Variants in KIF7 observed in about 807,000 individuals in gnomAD.
KIF7 encodes the protein kinesin-like protein KIF7.
KIF7 carries 104 observed loss-of-function variants against 135.7 expected under a neutral mutation model. The ratio of observed to expected loss-of-function variants is 0.77; its 90% CI spans 0.65 to 0.90. KIF7 has a LOEUF of 0.90. KIF7 is among the 40% of genes least tolerant of loss of function. KIF7 has a pLI of 0.00. For synonymous variants in KIF7, 883 were observed against 809.4 expected (o/e 1.09, Z -1.54); for missense variants, 2,005 against 1,839.1 (o/e 1.09, Z -1.65).
Position 89,628,692 on chromosome 15 carries a change from G to C in KIF7, c.3759C>G (p.Pro1253=), listed in dbSNP as rs147767277. The part of the protein sequence containing the change: ...HLAPELLWLS[P]LTEGAPRTRE... ...GGGTGCGGGGGGCCCCCTCAGTGAGGGGGGACAGCCAGAGAAGCTCGGGTG... is the reference window on the plus strand; with the variant it reads ...GGGTGCGGGGGGCCCCCTCAGTGAGCGGGGACAGCCAGAGAAGCTCGGGTG... The change falls in exon 19 of 19, where the codon CCC becomes CCG. Residue 1253 remains proline (P), a synonymous_variant. Coordinates refer to ENST00000394412, the MANE Select transcript of KIF7 (RefSeq NM_198525.3). The C allele has an allele frequency of 6.9e-5, 111 of 1,612,938 alleles. No individual in the cohort carries two copies. The highest frequency in any genetic ancestry group is 9.0e-5 in the Non-Finnish European group (106 of 1,179,912).
chr15:89,630,414 G>A lies in KIF7; in HGVS notation c.3191C>T (p.Thr1064Ile), dbSNP rs1347558209. 1.9e-6 allele frequency: 3 copies of A among 1,608,810 alleles called. No homozygotes were observed. The highest frequency in any genetic ancestry group is 1.1e-5 in the South Asian group (1 of 89,958). The part of the protein sequence containing the change: ...AAIEYKNEAI[T>I]CRQRVLRASA... ...GGCCCGAAGCACCCGCTGGCGGCAT[G>A]TGATGGCCTCATTCTTATACTCAAT... The change falls in exon 16 of 19, where the codon ACA (threonine) becomes ATA (isoleucine). Residue 1064 changes from threonine to isoleucine, a missense_variant. Coordinates refer to ENST00000394412, the MANE Select transcript of KIF7 (RefSeq NM_198525.3).
Position 89,648,687 on chromosome 15 carries a change from G to A in KIF7, c.1011C>T (p.Leu337=). 1 of 1,536,102 alleles carries A rather than the reference G, an allele frequency of 6.5e-7. No homozygotes were observed. Among genetic ancestry groups the A allele is most frequent in the Non-Finnish European group, 8.7e-7 (1 of 1,146,450 alleles). Residue 337 remains leucine (L), a synonymous_variant, in exon 5 of 19, where the codon CTC becomes CTT. Transcript: ENST00000394412. Reference sequence around the variant, plus strand: ...CGCGGCTGGCGTAGTTGAGGGTGTTGAGGGTCTCGTCGAAGTCGGAGGAGG... The same window carrying A: ...CGCGGCTGGCGTAGTTGAGGGTGTTAAGGGTCTCGTCGAAGTCGGAGGAGG... ...SPSSSDFDET[L]NTLNYASRAQ... is the part of the protein sequence containing the mutation.
Position 89,649,199 on chromosome 15 carries a change from C to CT in KIF7, c.697dup (p.Ser233LysfsTer230), listed in dbSNP as rs900956357. Reference sequence around the variant, plus strand: ...GCCCGGGGCGGGGCGGGGTAGGCGGCTGGGGGCGCGCCCCCGCTGCTCCAG... The same window carrying CT: ...GCCCGGGGCGGGGCGGGGTAGGCGGCTTGGGGGCGCGCCCCCGCTGCTCCAG... On this transcript the variant is annotated frameshift_variant, in exon 4 of 19. Transcript: ENST00000394412. LOFTEE classifies it high-confidence loss of function. The CT allele has an allele frequency of 6.5e-7, 1 of 1,546,098 alleles. No homozygotes were observed. Among genetic ancestry groups the CT allele is most frequent in the Non-Finnish European group, 8.7e-7 (1 of 1,145,890 alleles).
At chr15:89,617,905 T>G in intron 2 of KIF7, 1 of 435,530 alleles carries the variant, frequency 2.3e-6, no homozygotes, top group South Asian at 2.9e-5. Context: ...TTGGCCAGAC[T>G]GGTCTCGAAC....
intron 12 of KIF7, 79 bp from the exon 13 acceptor site, chr15:89,633,345 C>T (rs1321860035): frequency 6.6e-7 from 1 of 1,525,636 alleles, no homozygotes; most frequent in Non-Finnish European, 8.8e-7. Context: ...CCAAAGCCCC[C>T]AGGAGTGCCT....
exon 2 of KIF7, chr15:89,618,050 CTGTGATCTT>C: frequency 8.3e-7 from 1 of 1,204,708 alleles, no homozygotes; most frequent in Admixed American, 1.7e-5. Flanking sequence ...TTATCAGACC[CTGTGATCTT>C]TGTGATCTTG....
chr15:89,620,087 A>C lies in KIF7; in HGVS notation c.181-1892T>G, dbSNP rs569572145. Among the ~76,000 whole-genome samples, 3 of 152,352 alleles carry C rather than the reference A, an allele frequency of 2.0e-5. No homozygotes were observed. The South Asian group carries it at 6.2e-4, about 32-fold the overall frequency. On this transcript the variant is annotated intron_variant and NMD_transcript_variant, in intron 1 of 2. Coordinates refer to the KIF7 transcript ENST00000558928. ...TAGGTAGCTCATTCATTCAAGAGGA[A>C]GCTACCCATAATTTCCCATAAGGAC...
chr15:89,623,033 G>C (rs182015368), downstream of KIF7, among the ~76,000 whole-genome samples: 197 of 152,382 alleles, frequency 1.3e-3, 1 homozygote, highest in African/African-American at 4.4e-3. Flanking sequence ...CTGTAGGAAA[G>C]ATAAGCATTG....
At position 89,629,186 on chromosome 15, in the gene KIF7, T is replaced by C. The variant is rs1484222074; in HGVS notation, c.3518-64A>G. The C allele has an allele frequency of 9.8e-6, 6 of 609,874 alleles. No homozygotes were observed. The African/African-American group carries it at 2.7e-4, about 28-fold the overall frequency. The allele number at this position is 609,874 out of a possible 1,614,324, so 37.8% of individuals were successfully genotyped here. On this transcript the variant is annotated intron_variant, in intron 17 of 18. Transcript: ENST00000394412. ...CAGGCGGGGCAGGCGGCCAGGGCTG[T>C]GGGGGTGGGGGCTGTGGGCTGGGTG...
intron 11 of KIF7, 66 bp downstream of exon 11, chr15:89,642,137 C>T: frequency 2.6e-6 from 4 of 1,534,330 alleles, no homozygotes; most frequent in Non-Finnish European, 3.6e-6. Context: ...ATGTCCTGGT[C>T]CCAAGGATGG....
intron 2 of KIF7, among the ~76,000 whole-genome samples, chr15:89,651,284 G>T (rs889868154): frequency 1.3e-5 from 2 of 152,136 alleles, no homozygotes; most frequent in Non-Finnish European, 2.9e-5. Flanking sequence ...TATTTTAGTA[G>T]AGACAGGGTT....
Position 89,631,477 on chromosome 15 carries a change from C to T in KIF7, c.3111+18G>A, listed in dbSNP as rs1963674401. On this transcript the variant is annotated intron_variant, in intron 15 of 18. Transcript: ENST00000394412. ...ATACAATGGCACCAAGGGGCTGAGCCATGGGGCCGCAGGGTACCTCGGGGG... is the reference window on the plus strand; with the variant it reads ...ATACAATGGCACCAAGGGGCTGAGCTATGGGGCCGCAGGGTACCTCGGGGG... 5 of 1,553,142 alleles carry T rather than the reference C, an allele frequency of 3.2e-6. No individual in the cohort carries two copies. The highest frequency in any genetic ancestry group is 1.4e-5 in the African/African-American group (1 of 73,486).
the KIF7 span, among the ~76,000 whole-genome samples, chr15:89,661,373 G>A: frequency 1.3e-5 from 2 of 152,144 alleles, no homozygotes; most frequent in South Asian, 2.1e-4. Flanking sequence ...GTATTGGGGT[G>A]TATATATAGG....
intron 1 of KIF7, among the ~76,000 whole-genome samples, chr15:89,654,910 C>T (rs1964184052): frequency 6.6e-6 from 1 of 152,242 alleles, no homozygotes; most frequent in Non-Finnish European, 1.5e-5. Context: ...CTCGCAATAC[C>T]GTGTGGGCCT....
At chr15:89,625,413 GA>G (rs1287300090), downstream of KIF7, 2 of 1,614,020 alleles carry the variant, frequency 1.2e-6, no homozygotes, top group Admixed American at 3.3e-5. Flanking sequence ...CCTCTTCCGG[GA>G]GGGGCGAGGT....
intron 14 of KIF7, 72 bp downstream of exon 14, chr15:89,632,748 G>C (rs944270125): frequency 1.3e-6 from 2 of 1,510,914 alleles, no homozygotes; most frequent in Middle Eastern, 2.3e-4. Flanking sequence ...AGCTCACCTG[G>C]CAAGATCTGT....
At position 89,628,902 on chromosome 15, in the gene KIF7, C is replaced by G. The variant is rs12914042; in HGVS notation, c.3664+74G>C. 896,987 of 1,611,268 alleles carry G rather than the reference C, an allele frequency of 0.56. 253,695 individuals carry two copies. Among genetic ancestry groups the G allele is most frequent in the Non-Finnish European group, 0.59 (690,521 of 1,177,974 alleles). The stretch of plus-strand genomic sequence containing the variant: ...CCTGTGAATTGAGCCAATAAAGGCT[C>G]GAGGGAGAGTGGTCTCTAAGCTTTC... On this transcript the variant is annotated intron_variant, in intron 18 of 18. Coordinates refer to ENST00000394412, the MANE Select transcript of KIF7 (RefSeq NM_198525.3).
At chr15:89,619,903 G>A in intron 1 of KIF7, 1 of 1,535,568 alleles carries the variant, frequency 6.5e-7, no homozygotes, top group Non-Finnish European at 8.8e-7. Flanking sequence ...AGTGTTTTTG[G>A]GAAAAGAAGC....
intron 11 of KIF7, among the ~76,000 whole-genome samples, chr15:89,641,392 G>C (rs975284241): frequency 6.6e-6 from 1 of 152,200 alleles, no homozygotes; most frequent in South Asian, 2.1e-4. Flanking sequence ...CTAGTCTACG[G>C]AAGTTTGCTA....
Sources: gnomAD v4.1 joint callset for allele counts (sites outside exome capture counted in the v4.1 genomes callset) on GRCh38, gnomAD v4.1.1 for gene constraint, MANE v1.5 for transcripts, NCBI Gene and HGNC (gene_info 2026-07-23, HGNC 2026-07-21) for gene names.